IL18: variants seen among roughly 807,000 people sequenced by gnomAD.
IL18 encodes the protein interleukin 18.
A neutral mutation model predicts 14.2 loss-of-function variants in IL18; 8 were observed. That is an observed-to-expected ratio of 0.56 (90% CI 0.33 to 1.01). The LOEUF is 1.01. Ranked by LOEUF, IL18 falls within the 50% of genes least tolerant of loss-of-function variation. IL18 has a pLI of 0.03. For missense variants in IL18, 166 were observed against 231.1 expected (o/e 0.72, Z 1.83); for synonymous variants, 67 against 71.0 (o/e 0.94, Z 0.28).
intron 3 of IL18, chr11:112,150,533 T>C: frequency 5.5e-6 from 1 of 182,458 alleles, no homozygotes. Context: ...TCCTGACTCT[T>C]GTATTTCCTA....
chr11:112,152,198 A>G (rs760170072), intron 3 of IL18, among the ~76,000 whole-genome samples: 1 of 152,114 alleles, frequency 6.6e-6, no homozygotes, highest in Non-Finnish European at 1.5e-5. Context: ...TTCCTATTTC[A>G]CTGAATGGTA....
At chr11:112,161,660 A>G (rs931260711) in intron 1 of IL18, among the ~76,000 whole-genome samples, 1 of 152,148 alleles carries the variant, frequency 6.6e-6, no homozygotes, top group Non-Finnish European at 1.5e-5. Flanking sequence ...TTAGCCAGGC[A>G]TGGTGGCATG....
At chr11:112,161,076 T>A (rs78054000) in intron 1 of IL18, among the ~76,000 whole-genome samples, 20 of 84,972 alleles carry the variant, frequency 2.4e-4, no homozygotes, top group Middle Eastern at 5.0e-3. Flanking sequence ...GACTACTGAC[T>A]TTTTTTTTTT....
At chr11:112,160,200 C>T (rs1019212878) in intron 1 of IL18, among the ~76,000 whole-genome samples, 8 of 151,950 alleles carry the variant, frequency 5.3e-5, no homozygotes, top group Admixed American at 2.6e-4. Flanking sequence ...CCTCATTACC[C>T]CTGGCATCTT....
In IL18 at chr11:112,143,490, C is replaced by A; in HGVS notation, c.*106G>T. ...AGAGATGAGGTTTCACCATGTTGGT[C>A]AGGCTGGTCTTGAACACCTGACCTC... On this transcript the variant is annotated 3_prime_UTR_variant, in exon 6 of 6. Coordinates refer to ENST00000280357, the MANE Select transcript of IL18 (RefSeq NM_001562.4). 1 of 664,330 alleles carries A rather than the reference C, an allele frequency of 1.5e-6. No individual in the cohort carries two copies. The highest frequency in any genetic ancestry group is 1.9e-5 in the South Asian group (1 of 52,542). The allele number at this position is 664,330 out of a possible 1,614,324, so 41.2% of individuals were successfully genotyped here. A position where few individuals can be genotyped will look rare whatever the true frequency, so the allele number is the denominator to read the frequency against.
chr11:112,144,136 G>T (rs1273262895), intron 5 of IL18, among the ~76,000 whole-genome samples: 5 of 152,192 alleles, frequency 3.3e-5, no homozygotes, highest in Admixed American at 6.5e-5. Context: ...AAGACCACAA[G>T]CTTTTTGGGC....
chr11:112,150,563 C>G (rs912153080), intron 3 of IL18: 4 of 161,074 alleles, frequency 2.5e-5, no homozygotes, highest in African/African-American at 9.6e-5. Context: ...TTCCCGTCTT[C>G]CCTTCCTTCC....
chr11:112,155,241 AATC>A (rs1165362528), intron 1 of IL18, among the ~76,000 whole-genome samples, 180 bp from the exon 2 acceptor site: 3 of 152,238 alleles, frequency 2.0e-5, no homozygotes, highest in Non-Finnish European at 4.4e-5. Flanking sequence ...TTCTCTTACA[AATC>A]ATCAGATATT....
At chr11:112,153,658 A>G (rs1476144948) in intron 2 of IL18, 55 bp from the exon 3 acceptor site, 3 of 1,310,464 alleles carry the variant, frequency 2.3e-6, no homozygotes, top group East Asian at 4.6e-5. Flanking sequence ...ATTTCGACTC[A>G]GAATTCAATC....
chr11:112,161,220 C>T (rs1866626049), intron 1 of IL18, among the ~76,000 whole-genome samples: 1 of 152,146 alleles, frequency 6.6e-6, no homozygotes, highest in South Asian at 2.1e-4. Flanking sequence ...GGTAGAATTT[C>T]ATGATGGAAA....
At chr11:112,149,501 A>G (rs770234368) in intron 4 of IL18, among the ~76,000 whole-genome samples, 12 of 148,854 alleles carry the variant, frequency 8.1e-5, no homozygotes, top group Non-Finnish European at 1.8e-4. Context: ...CCTAACTTTG[A>G]TATTTGGAAT....
intron 4 of IL18, among the ~76,000 whole-genome samples, chr11:112,149,159 G>T (rs561265375): frequency 6.6e-6 from 1 of 152,052 alleles, no homozygotes; most frequent in Non-Finnish European, 1.5e-5. Context: ...GGTGTAAGTG[G>T]TGCATGCCTG....
At chr11:112,151,205 A>G (rs1866433783) in intron 3 of IL18, 1 of 152,222 alleles carries the variant, frequency 6.6e-6, no homozygotes, top group Non-Finnish European at 1.5e-5. Flanking sequence ...GGGCAAAGAT[A>G]TGCCCTTATT....
chr11:112,158,467 C>T lies in IL18; in HGVS notation c.-8-3406G>A, dbSNP rs938872176. Among the ~76,000 whole-genome samples, 10 of 122,338 alleles carry T rather than the reference C, an allele frequency of 8.2e-5. No homozygotes were observed. The East Asian group carries it at 2.4e-3, about 29-fold the overall frequency. The allele number at this position is 122,338 out of a possible 152,430, so 80.3% of individuals were successfully genotyped here. A position where few individuals can be genotyped will look rare whatever the true frequency, so the allele number is the denominator to read the frequency against. On this transcript the variant is annotated intron_variant, in intron 1 of 5. Coordinates refer to ENST00000280357, the MANE Select transcript of IL18 (RefSeq NM_001562.4). The stretch of plus-strand genomic sequence containing the variant: ...CAGCCTATTATGGTGGTACTTTGGC[C>T]TTTTTAATATTGTTTTCTTGCATAT...
At chr11:112,148,359 T>C (rs921848599) in intron 5 of IL18, among the ~76,000 whole-genome samples, 6 of 152,296 alleles carry the variant, frequency 3.9e-5, no homozygotes, top group Non-Finnish European at 7.4e-5. Flanking sequence ...GTATCTCCTC[T>C]TCCCTGTGAC....
At chr11:112,154,509 G>GAA (rs112713245) in intron 2 of IL18, among the ~76,000 whole-genome samples, 2 of 120,756 alleles carry the variant, frequency 1.7e-5, no homozygotes, top group Non-Finnish European at 1.8e-5. Context: ...CTGGGCAACA[G>GAA]AAAAAAAAAA....
intron 2 of IL18, 41 bp from the exon 3 acceptor site, chr11:112,153,644 T>A: frequency 6.9e-7 from 1 of 1,452,550 alleles, no homozygotes; most frequent in Middle Eastern, 1.8e-4. Context: ...ATGTAAAATT[T>A]TGTATTTCGA....
intron 5 of IL18, among the ~76,000 whole-genome samples, chr11:112,147,782 T>C (rs919107736): frequency 2.6e-5 from 4 of 152,270 alleles, no homozygotes; most frequent in Admixed American, 1.3e-4. Context: ...TGGGTGGGCA[T>C]GAAAGCGGTT....
intron 1 of IL18, among the ~76,000 whole-genome samples, chr11:112,155,475 G>C (rs1262731905): frequency 1.3e-5 from 2 of 152,104 alleles, no homozygotes; most frequent in Non-Finnish European, 2.9e-5. Context: ...CTATGGGTGA[G>C]AGGCTGAAGG....
Sources: allele counts gnomAD v4.1 joint callset (sites outside exome capture counted in the v4.1 genomes callset), GRCh38; gene constraint gnomAD v4.1.1; transcripts MANE v1.5; gene names NCBI Gene and HGNC (gene_info 2026-07-23, HGNC 2026-07-21).